CPED1: variants seen among roughly 807,000 people sequenced by gnomAD.
CPED1 encodes the protein cadherin-like and PC-esterase domain-containing protein 1.
A neutral mutation model predicts 128.2 loss-of-function variants in CPED1; 114 were observed. The observed-to-expected ratio is 0.89, with a 90% confidence interval of 0.76 to 1.04. The LOEUF (loss-of-function observed/expected upper bound fraction) is 1.04, where lower values mean the gene tolerates loss of function less well. Ranked by LOEUF, CPED1 falls within the 50% of genes least tolerant of loss-of-function variation. The pLI, the probability that CPED1 is intolerant of heterozygous loss-of-function variation, is 0.00. For missense variants in CPED1, 1,211 were observed against 1,207.1 expected, an observed-to-expected ratio of 1.00 and a Z score of -0.05; for synonymous variants, 462 against 426.7, an observed-to-expected ratio of 1.08 and a Z score of -1.02.
intron 3 of CPED1, among the ~76,000 whole-genome samples, chr7:121,032,692 T>C (rs1792765886): frequency 6.6e-6 from 1 of 151,726 alleles, no homozygotes; most frequent in Non-Finnish European, 1.5e-5. Context: ...GTTCTGCACA[T>C]GTATCCCAGA....
rs377306245 is a variant in CPED1 at position 121,100,000 on chromosome 7, A to G, written c.824A>G (p.Tyr275Cys). The G allele has an allele frequency of 2.3e-5, 37 of 1,613,394 alleles. No homozygotes were observed. Among genetic ancestry groups the G allele is most frequent in the Middle Eastern group, 1.6e-4 (1 of 6,078 alleles). ...AEDLSVILKA[Y>C]VLVTSLTPLR... ...GATCTATCTGTGATTCTTAAAGCGT[A>G]TGTGTTGGTGACGTCCTTAACCCCT... is the stretch of plus-strand genomic sequence containing the variant. Residue 275 changes from tyrosine to cysteine, a missense_variant, in exon 7 of 23, where the codon TAT becomes TGT. By Grantham distance (194) the Tyr-to-Cys change is radical. Transcript: ENST00000310396.
At position 121,127,128 on chromosome 7, in the gene CPED1, G is replaced by A. The variant is rs551515218; in HGVS notation, c.1173G>A (p.Met391Ile). Residue 391 changes from methionine to isoleucine, a missense_variant, in exon 10 of 23, where the codon ATG becomes ATA. Met to Ile is a conservative substitution (Grantham distance 10). Coordinates refer to ENST00000310396, the MANE Select transcript of CPED1 (RefSeq NM_024913.5). Reference protein sequence around the residue: ...EHLNFQDYDNMDFEDQNTEEF... With the variant: ...EHLNFQDYDNIDFEDQNTEEF... Reference sequence around the variant, plus strand: ...TAAATTTTCAAGATTATGATAATATGGATTTTGAGGACCAAAATACAGAAG... The same window carrying A: ...TAAATTTTCAAGATTATGATAATATAGATTTTGAGGACCAAAATACAGAAG... 7.5e-6 allele frequency: 12 copies of A among 1,601,384 alleles called. No homozygotes were observed. In the East Asian group the frequency reaches 2.2e-4, roughly 30 times the overall value.
chr7:121,254,504 A>G (rs1798759501), intron 18 of CPED1, among the ~76,000 whole-genome samples: 1 of 152,060 alleles, frequency 6.6e-6, no homozygotes, highest in Admixed American at 6.6e-5. Flanking sequence ...AAGGAATTAG[A>G]AAAAAGAGAA....
chr7:120,995,917 T>C (rs1241369157), intron 2 of CPED1, among the ~76,000 whole-genome samples: 2 of 148,892 alleles, frequency 1.3e-5, no homozygotes, highest in East Asian at 4.0e-4. Context: ...CTTCTTCTCC[T>C]TCTCCTCCTC....
chr7:121,146,612 A>G (rs546571587), intron 16 of CPED1, among the ~76,000 whole-genome samples: 99 of 152,296 alleles, frequency 6.5e-4, no homozygotes, highest in Non-Finnish European at 1.2e-3. Context: ...CATACCAGTC[A>G]ATTAAAAAAT....
chr7:121,293,304 G>T lies in CPED1; in HGVS notation c.2869-2136G>T, dbSNP rs564848671. On this transcript the variant is annotated intron_variant, in intron 22 of 22. Transcript: ENST00000310396. ...AATTCCCAGCGGTTTTGTTTACACTGTGAGGGGAAAACTGCCTACTCAAGC... is the reference window on the plus strand; with the variant it reads ...AATTCCCAGCGGTTTTGTTTACACTTTGAGGGGAAAACTGCCTACTCAAGC... Among the ~76,000 whole-genome samples the T allele has an allele frequency of 2.6e-5, 4 of 152,286 alleles. No individual in the cohort carries two copies. In the East Asian group the frequency reaches 7.7e-4, roughly 29 times the overall value.
intron 11 of CPED1, among the ~76,000 whole-genome samples, chr7:121,129,696 TGG>T (rs1795615121): frequency 6.6e-6 from 1 of 151,960 alleles, no homozygotes; most frequent in Non-Finnish European, 1.5e-5. Flanking sequence ...TCCAATTTCC[TGG>T]TTCTCACAGT....
rs777588176 is a variant in CPED1 at position 121,097,846 on chromosome 7, T to G, written c.749+15T>G. 6.2e-7 allele frequency: 1 copy of G among 1,613,280 alleles called. No homozygotes were observed. The highest frequency in any genetic ancestry group is 8.5e-7 in the Non-Finnish European group (1 of 1,179,482). On this transcript the variant is annotated intron_variant, in intron 6 of 22. Transcript: ENST00000310396. ...CGTGAACAGCTGTAAGCTAATCATT[T>G]TGAATTGTTATAACCAGCATGCATT...
chr7:121,072,416 C>T (rs536880847), intron 5 of CPED1, among the ~76,000 whole-genome samples: 4 of 152,106 alleles, frequency 2.6e-5, no homozygotes, highest in African/African-American at 9.7e-5. Flanking sequence ...GAACTACTCC[C>T]AGCATTCATA....
intron 22 of CPED1, among the ~76,000 whole-genome samples, chr7:121,271,673 A>G (rs1243023082): frequency 6.6e-6 from 1 of 152,144 alleles, no homozygotes; most frequent in Non-Finnish European, 1.5e-5. Context: ...CAATTGGTCA[A>G]TGGAGGCAGG....
chr7:121,293,046 C>T lies in CPED1; in HGVS notation c.2869-2394C>T, dbSNP rs1792742188. 2.0e-5 allele frequency among the ~76,000 whole-genome samples: 3 copies of T among 152,294 alleles called. No homozygotes were observed. In the South Asian group the frequency reaches 6.2e-4, roughly 32 times the overall value. ...TCTGTCCCTTAGCAGAGCTCTAGTG[C>T]TGTGTTGGGAGATCCTCTGCTCTCT... On this transcript the variant is annotated intron_variant, in intron 22 of 22. Coordinates refer to ENST00000310396, the MANE Select transcript of CPED1 (RefSeq NM_024913.5).
intron 2 of CPED1, among the ~76,000 whole-genome samples, chr7:120,991,328 A>T (rs1259794230): frequency 6.6e-6 from 1 of 152,232 alleles, no homozygotes; most frequent in African/African-American, 2.4e-5. Context: ...TAGGCACAGT[A>T]AAGTTATTGA....
At chr7:121,216,576 C>G (rs558386608) in intron 16 of CPED1, among the ~76,000 whole-genome samples, 37 of 152,044 alleles carry the variant, frequency 2.4e-4, no homozygotes, top group African/African-American at 7.0e-4. Context: ...CTCCCACCTA[C>G]CCAGAGAGGT....
intron 16 of CPED1, among the ~76,000 whole-genome samples, chr7:121,144,803 A>T (rs1043182042): frequency 6.6e-6 from 1 of 152,072 alleles, no homozygotes; most frequent in Non-Finnish European, 1.5e-5. Context: ...TCCCATAAAT[A>T]TATACAACTA....
At chr7:121,069,562 A>G (rs563755039) in intron 5 of CPED1, among the ~76,000 whole-genome samples, 6 of 152,266 alleles carry the variant, frequency 3.9e-5, no homozygotes, top group African/African-American at 1.4e-4. Flanking sequence ...GTTCCATTCC[A>G]TAGCCAGAGT....
intron 16 of CPED1, among the ~76,000 whole-genome samples, chr7:121,144,772 TA>T (rs1374099264): frequency 6.6e-6 from 1 of 152,028 alleles, no homozygotes; most frequent in Non-Finnish European, 1.5e-5. Flanking sequence ...ATTGTATACT[TA>T]TATCAAAATA....
intron 4 of CPED1, among the ~76,000 whole-genome samples, chr7:121,060,039 T>G (rs1475398031): frequency 1.4e-5 from 2 of 146,032 alleles, no homozygotes; most frequent in Non-Finnish European, 2.9e-5. Context: ...CGGGTGGGCG[T>G]GGGCTTGGCG....
chr7:121,217,599 T>TA (rs908628336), intron 16 of CPED1, among the ~76,000 whole-genome samples: 1 of 152,020 alleles, frequency 6.6e-6, no homozygotes, highest in African/African-American at 2.4e-5. Context: ...TTTTTATTCT[T>TA]AAAGTTTTGG....
chr7:121,136,886 T>C (rs149317022), intron 14 of CPED1, among the ~76,000 whole-genome samples: 72 of 152,114 alleles, frequency 4.7e-4, no homozygotes, highest in African/African-American at 1.6e-3. Flanking sequence ...CTGAGTGACA[T>C]AGCAAGACAC....
Sources: gnomAD v4.1 joint callset for allele counts (sites outside exome capture counted in the v4.1 genomes callset) on GRCh38, gnomAD v4.1.1 for gene constraint, MANE v1.5 for transcripts, NCBI Gene and HGNC (gene_info 2026-07-23, HGNC 2026-07-21) for gene names.